POLR2E: variants seen among roughly 807,000 people sequenced by gnomAD.
The protein encoded by POLR2E is DNA-directed RNA polymerases I, II, and III subunit RPABC1.
A neutral mutation model predicts 29.8 loss-of-function variants in POLR2E; 35 were observed. The ratio of observed to expected loss-of-function variants is 1.17; its 90% CI spans 0.90 to 1.55. The LOEUF (loss-of-function observed/expected upper bound fraction) is 1.55, where lower values mean the gene tolerates loss of function less well. Ranked by LOEUF, POLR2E falls within the 40% of genes most tolerant of loss-of-function variation. The pLI, the probability that POLR2E is intolerant of heterozygous loss-of-function variation, is 0.00. For synonymous variants in POLR2E, 174 were observed against 112.6 expected, an observed-to-expected ratio of 1.55 and a Z score of -3.45; for missense variants, 287 against 288.6, an observed-to-expected ratio of 0.99 and a Z score of 0.04.
In POLR2E at chr19:1,089,901, C is replaced by A. The variant is rs1015048713; in HGVS notation, c.550G>T (p.Gly184Trp). 1.2e-5 allele frequency: 19 copies of A among 1,612,378 alleles called. No homozygotes were observed. The highest frequency in any genetic ancestry group is 1.6e-5 in the Non-Finnish European group (19 of 1,179,854). Residue 184 changes from glycine to tryptophan, a missense_variant, in exon 6 of 8, where the codon GGG becomes TGG. Coordinates refer to ENST00000615234, the MANE Select transcript of POLR2E (RefSeq NM_002695.5). ...GGGCTCACCTGCCCACGCTTTATCC[C>A]AAAGTAGCGCGCCACAGGGTCCCCC... ...QAGDPVARYF[G>W]IKRGQVVKII...
At chr19:1,093,005 G>A (rs555676409) in intron 2 of POLR2E, among the ~76,000 whole-genome samples, 46 of 152,110 alleles carry the variant, frequency 3.0e-4, no homozygotes, top group African/African-American at 1.0e-3. Flanking sequence ...AGCCAACATG[G>A]TGAAACCTCA....
At chr19:1,090,413 C>T (rs767290735) in intron 4 of POLR2E, among the ~76,000 whole-genome samples, 1 of 151,572 alleles carries the variant, frequency 6.6e-6, no homozygotes, top group South Asian at 2.1e-4. Flanking sequence ...TCCCTCCACA[C>T]TCCCAGCAGT....
intron 1 of POLR2E, chr19:1,094,970 T>G: frequency 1.9e-5 from 6 of 309,706 alleles, no homozygotes; most frequent in East Asian, 8.1e-5. Context: ...CCCGTCCCCA[T>G]TCGCGGCTTC....
At chr19:1,094,128 C>T in intron 1 of POLR2E, 50 bp from the exon 2 acceptor site, 1 of 1,549,972 alleles carries the variant, frequency 6.5e-7, no homozygotes, top group Non-Finnish European at 8.7e-7. Context: ...AGGAAGGCGG[C>T]CAAAGCTCGT....
Position 1,091,849 on chromosome 19 carries a change from C to T in POLR2E, c.291G>A (p.Glu97=), listed in dbSNP as rs1391454986. ...CCACGATGAGAGCCCGTGTGATGTT[C>T]TCCTCCTGCATGCGCTGGCAGTACA... ...IKVYCQRMQE[E]NITRALIVVQ... is the part of the protein sequence containing the mutation. Residue 97 remains glutamate, a synonymous_variant, in exon 3 of 8, where the codon GAG becomes GAA. Transcript: ENST00000615234. 1 of 1,613,126 alleles carries T rather than the reference C, an allele frequency of 6.2e-7. No homozygotes were observed. Among genetic ancestry groups the T allele is most frequent in the Non-Finnish European group, 8.5e-7 (1 of 1,179,700 alleles).
At chr19:1,093,814 A>T (rs755212868) in intron 2 of POLR2E, 90 bp downstream of exon 2, 1 of 1,452,736 alleles carries the variant, frequency 6.9e-7, no homozygotes, top group Non-Finnish European at 9.1e-7. Flanking sequence ...AATGCTGGGC[A>T]CCAGGCGAGT....
chr19:1,090,432 T>C (rs1353268666), intron 4 of POLR2E, among the ~76,000 whole-genome samples: 1 of 149,980 alleles, frequency 6.7e-6, no homozygotes, highest in East Asian at 2.0e-4. Flanking sequence ...GTCCCGATTC[T>C]ACAGGCTGGG....
chr19:1,089,921 T>TC lies in POLR2E; in HGVS notation c.529dup (p.Asp177GlyfsTer22), dbSNP rs1568509191. On this transcript the variant is annotated frameshift_variant, in exon 6 of 8. Transcript: ENST00000615234. LOFTEE classifies it high-confidence loss of function. ...TATCCCAAAGTAGCGCGCCACAGGGTCCCCCGCCTGGATCCTGGGCAGCTG... is the reference window on the plus strand; with the variant it reads ...TATCCCAAAGTAGCGCGCCACAGGGTCCCCCCGCCTGGATCCTGGGCAGCTG... 1 of 1,611,362 alleles carries TC rather than the reference T, an allele frequency of 6.2e-7. No individual in the cohort carries two copies. Among genetic ancestry groups the TC allele is most frequent in the Admixed American group, 1.7e-5 (1 of 59,880 alleles).
chr19:1,095,197 C>T, intron 1 of POLR2E, 62 bp downstream of exon 1: 1 of 1,531,272 alleles, frequency 6.5e-7, no homozygotes, highest in South Asian at 1.1e-5. Context: ...CGTGCTCGAC[C>T]CCACCTCGGG....
intron 7 of POLR2E, among the ~76,000 whole-genome samples, chr19:1,089,245 G>A (rs964177267): frequency 2.6e-5 from 4 of 152,310 alleles, no homozygotes; most frequent in African/African-American, 7.2e-5. Flanking sequence ...CGCACGCCCC[G>A]CGTACCAGGA....
intron 7 of POLR2E, 47 bp downstream of exon 7, chr19:1,089,425 C>G (rs981803140): frequency 1.5e-6 from 2 of 1,295,642 alleles, no homozygotes; most frequent in Non-Finnish European, 2.2e-6. Flanking sequence ...GGGGACGACA[C>G]CCCTGCCTCT....
At chr19:1,093,163 G>A (rs1206036964) in intron 2 of POLR2E, among the ~76,000 whole-genome samples, 2 of 152,156 alleles carry the variant, frequency 1.3e-5, no homozygotes, top group Non-Finnish European at 2.9e-5. Flanking sequence ...TCCAGCCTGG[G>A]CGACAGATTG....
intron 4 of POLR2E, among the ~76,000 whole-genome samples, chr19:1,090,587 T>A (rs969140778): frequency 6.6e-6 from 1 of 150,640 alleles, no homozygotes; most frequent in African/African-American, 2.4e-5. Flanking sequence ...CTGGCTAATT[T>A]TTTTGTATTT....
chr19:1,090,794 A>G (rs960848658), intron 4 of POLR2E, 114 bp downstream of exon 4: 5 of 858,690 alleles, frequency 5.8e-6, no homozygotes, highest in South Asian at 1.6e-5. Context: ...CCTGTCCTCC[A>G]TGCACTAATA....
chr19:1,093,579 A>G (rs1439770825), intron 2 of POLR2E, among the ~76,000 whole-genome samples: 6 of 151,094 alleles, frequency 4.0e-5, no homozygotes, highest in Admixed American at 4.0e-4. Context: ...CTGGAAGTGC[A>G]CCCAACGGCC....
At chr19:1,094,920 G>A (rs1300136428) in intron 1 of POLR2E, 2 of 386,744 alleles carry the variant, frequency 5.2e-6, no homozygotes, top group Non-Finnish European at 9.3e-6. Context: ...GACAAATAGC[G>A]ACGCTGAATC....
At chr19:1,090,330 C>A (rs577220016) in intron 4 of POLR2E, among the ~76,000 whole-genome samples, 185 bp from the exon 5 acceptor site, 2 of 151,106 alleles carry the variant, frequency 1.3e-5, no homozygotes, top group East Asian at 3.9e-4. Context: ...AGTCACAGCT[C>A]CTGGGGCTTC....
intron 1 of POLR2E, 107 bp downstream of exon 1, chr19:1,095,152 A>T (rs10416031): frequency 8.2e-7 from 1 of 1,215,642 alleles, no homozygotes; most frequent in Non-Finnish European, 1.2e-6. Flanking sequence ...CCGGCCCTTC[A>T]TCGCTGCTGC....
chr19:1,095,337 C>T lies in POLR2E; in HGVS notation c.-22G>A, dbSNP rs1046041. The stretch of plus-strand genomic sequence containing the variant: ...CCATGGCAGCCTCCGCCGCCGCCGC[C>T]GCTCGCACCCCTTCTCCGCGCGAGA... On this transcript the variant is annotated 5_prime_UTR_variant, in exon 1 of 8. Transcript: ENST00000615234. 850,194 of 1,610,460 alleles carry T rather than the reference C, an allele frequency of 0.53. 229,819 individuals are homozygous for T. The highest frequency in any genetic ancestry group is 0.79 in the African/African-American group (58,868 of 74,912).
Sources: allele counts gnomAD v4.1 joint callset (sites outside exome capture counted in the v4.1 genomes callset), GRCh38; gene constraint gnomAD v4.1.1; transcripts MANE v1.5; gene names NCBI Gene and HGNC (gene_info 2026-07-23, HGNC 2026-07-21).